Variants in MED24 observed in about 807,000 individuals in gnomAD.
The protein encoded by MED24 is mediator of RNA polymerase II transcription subunit 24.
In MED24, 74 loss-of-function variants were observed where a neutral mutation model predicts 118.8. The observed-to-expected ratio is 0.62, with a 90% confidence interval of 0.52 to 0.76. The LOEUF is 0.76. MED24 is among the 30% of genes least tolerant of loss of function. The probability of loss-of-function intolerance (pLI) is 0.00; values close to 1 mark genes in which losing one functional copy is unlikely to be tolerated. For missense variants in MED24, 1,041 were observed against 1,278.9 expected, an observed-to-expected ratio of 0.81 and a Z score of 2.84; for synonymous variants, 521 against 523.9, an observed-to-expected ratio of 0.99 and a Z score of 0.08.
chr17:40,024,099 T>A (rs34453912), intron 19 of MED24, among the ~76,000 whole-genome samples: 46,198 of 151,628 alleles, frequency 0.3, 8,367 homozygotes, highest in Middle Eastern at 0.49. Context: ...GAGCAAAAGC[T>A]CCCTACTTGG....
intron 19 of MED24, chr17:40,023,735 A>C: frequency 4.0e-6 from 1 of 248,024 alleles, no homozygotes; most frequent in East Asian, 1.0e-4. Flanking sequence ...CACATAAATA[A>C]ACACAATCAC....
rs1190525909 is a variant in MED24, at chr17:40,026,346, A to G, written c.1810-15T>C. On this transcript the variant is annotated splice_polypyrimidine_tract_variant and intron_variant, in intron 18 of 25. Transcript: ENST00000394128. ...TCAGTGATTTTCTAGGGGAGACGGA[A>G]AGGTGATGGGCTACCATCTATCTCC... The G allele has an allele frequency of 1.9e-6, 3 of 1,610,328 alleles. No individual in the cohort carries two copies. The highest frequency in any genetic ancestry group is 2.5e-6 in the Non-Finnish European group (3 of 1,177,148).
intron 11 of MED24, 129 bp from the exon 12 acceptor site, chr17:40,031,374 T>C (rs966149027): frequency 8.2e-7 from 1 of 1,218,888 alleles, no homozygotes; most frequent in Non-Finnish European, 1.2e-6. Context: ...TGAGGGACGG[T>C]AGAGGGGCTC....
intron 23 of MED24, among the ~76,000 whole-genome samples, chr17:40,021,609 G>A (rs942861067): frequency 6.6e-6 from 1 of 152,248 alleles, no homozygotes; most frequent in Non-Finnish European, 1.5e-5. Flanking sequence ...CAGAGCTGGT[G>A]AGTCAATGGC....
intron 1 of MED24, 106 bp from the exon 2 acceptor site, chr17:40,053,741 G>A (rs756892938): frequency 2.8e-6 from 4 of 1,409,814 alleles, no homozygotes; most frequent in Admixed American, 3.9e-5. Flanking sequence ...AGATTTAAGC[G>A]AGACAGAGGA....
In MED24 at chr17:40,026,457, TCCA is replaced by T. The variant is rs1982660593; in HGVS notation, c.1810-129_1810-127del. The stretch of plus-strand genomic sequence containing the variant: ...TCCCGGGCCACATTCCACACCTCTC[TCCA>T]CAAGTTTGATCTTCCCAGAGCTACC... On this transcript the variant is annotated intron_variant, in intron 18 of 25. Coordinates refer to ENST00000394128, the MANE Select transcript of MED24 (RefSeq NM_014815.4). 3 of 1,285,726 alleles carry T rather than the reference TCCA, an allele frequency of 2.3e-6. No individual in the cohort carries two copies. The East Asian group carries it at 7.3e-5, about 31-fold the overall frequency. The allele number at this position is 1,285,726 out of a possible 1,614,324, so 79.6% of individuals were successfully genotyped here.
chr17:40,039,747 T>C (rs1984340470), intron 3 of MED24, among the ~76,000 whole-genome samples: 1 of 151,202 alleles, frequency 6.6e-6, no homozygotes, highest in Non-Finnish European at 1.5e-5. Flanking sequence ...GCCTCCTAAG[T>C]AGCTGGGACT....
intron 3 of MED24, among the ~76,000 whole-genome samples, chr17:40,049,098 T>C (rs1459050398): frequency 6.6e-6 from 1 of 151,696 alleles, no homozygotes; most frequent in Admixed American, 6.6e-5. Context: ...TCCCAGCCTT[T>C]AGGAGGACAA....
chr17:40,020,512 G>T, intron 23 of MED24, 159 bp from the exon 24 acceptor site: 1 of 1,504,468 alleles, frequency 6.6e-7, no homozygotes, highest in Non-Finnish European at 9.0e-7. Flanking sequence ...GGGAGGCCAG[G>T]TACAGTGGCT....
At chr17:40,019,751 G>A in intron 25 of MED24, 34 bp downstream of exon 25, 2 of 1,607,886 alleles carry the variant, frequency 1.2e-6, no homozygotes, top group Non-Finnish European at 8.5e-7. Context: ...CGAGGCCCCA[G>A]CACCAGCAGG....
At position 40,021,999 on chromosome 17, in the gene MED24, A is replaced by G; in HGVS notation, c.2579T>C (p.Leu860Pro). 1 of 1,612,054 alleles carries G rather than the reference A, an allele frequency of 6.2e-7. No individual in the cohort carries two copies. Among genetic ancestry groups the G allele is most frequent in the Non-Finnish European group, 8.5e-7 (1 of 1,179,040 alleles). Residue 860 changes from leucine (L) to proline (P), a missense_variant, in exon 23 of 26, where the codon CTG (leucine) becomes CCG (proline). Around this residue, in one of 3 missense-constraint regions of MED24, gnomAD observed 587 missense variants for 694.4 expected, o/e 0.85. Coordinates refer to ENST00000394128, the MANE Select transcript of MED24 (RefSeq NM_014815.4). ...GGCATCGTCCTCATTAGAGCTCAGC[A>G]GTCGCATCAACTTCGAAGGCTGCAC... ...DDVQPSKLMR[L>P]LSSNEDDANI...
In MED24 at chr17:40,035,249, G is replaced by T. The variant is rs776181925; in HGVS notation, c.427C>A (p.Arg143=). The T allele has an allele frequency of 1.9e-6, 3 of 1,613,738 alleles. No homozygotes were observed. The highest frequency in any genetic ancestry group is 1.3e-5 in the African/African-American group (1 of 75,046). Residue 143 remains arginine, a synonymous_variant, in exon 6 of 26, where the codon CGG becomes AGG. Transcript: ENST00000394128. ...GGAGTGCCGGCCTCCAGCCCCTCCC[G>T]CAGCCGCTCTGCAGAGGCTGCCGTG... The part of the protein sequence containing the change: ...RCTAASAERL[R]EGLEAGTPAA...
At chr17:40,043,745 G>T (rs1984804414) in intron 3 of MED24, among the ~76,000 whole-genome samples, 1 of 151,894 alleles carries the variant, frequency 6.6e-6, no homozygotes, top group South Asian at 2.1e-4. Flanking sequence ...CAAAAAATTA[G>T]CCAGGCGCAG....
At position 40,033,338 on chromosome 17, in the gene MED24, C is replaced by T; in HGVS notation, c.671+7G>A. On this transcript the variant is annotated splice_region_variant and intron_variant, in intron 7 of 25. Coordinates refer to ENST00000394128, the MANE Select transcript of MED24 (RefSeq NM_014815.4). The surrounding 1 kb of genome is among the most constrained non-coding windows in gnomAD (Gnocchi z 5.2). The stretch of plus-strand genomic sequence containing the variant: ...CCCTTCTCCACCATCCCCCAGGGAG[C>T]CGGTACCTCCTAATGAGGGTGCCAC... 3 of 1,612,724 alleles carry T rather than the reference C, an allele frequency of 1.9e-6. No individual in the cohort carries two copies. The highest frequency in any genetic ancestry group is 2.5e-6 in the Non-Finnish European group (3 of 1,179,432).
At chr17:40,035,852 C>A in intron 4 of MED24, 57 bp from the exon 5 acceptor site, 1 of 1,524,648 alleles carries the variant, frequency 6.6e-7, no homozygotes, top group South Asian at 1.1e-5. Flanking sequence ...CCAGGTCTCA[C>A]ATGAGGCAGA....
In MED24 at chr17:40,035,133, G is replaced by A; in HGVS notation, c.543C>T (p.Ala181=). 2.5e-6 allele frequency: 4 copies of A among 1,614,160 alleles called. No homozygotes were observed. The highest frequency in any genetic ancestry group is 3.4e-6 in the Non-Finnish European group (4 of 1,180,020). Reference sequence around the variant, plus strand: ...GGGACATACAGGCCTCCTCTAGTTTGGCGATGTGCAGCAGGGCCCGGTTCT... The same window carrying A: ...GGGACATACAGGCCTCCTCTAGTTTAGCGATGTGCAGCAGGGCCCGGTTCT... ...STKNRALLHI[A]KLEEASSWTA... Residue 181 remains alanine (A), a synonymous_variant, in exon 6 of 26, where the codon GCC becomes GCT. Coordinates refer to ENST00000394128, the MANE Select transcript of MED24 (RefSeq NM_014815.4).
Position 40,035,306 on chromosome 17 carries a change from G to T in MED24, c.370C>A (p.Leu124Ile). Residue 124 changes from leucine (L) to isoleucine (I), a missense_variant, in exon 6 of 26, where the codon CTT becomes ATT. Transcript: ENST00000394128. The part of the protein sequence containing the change: ...AEECIGLCRA[L>I]LSALHWLLRC... ...AGCAGCCAGTGGAGGGCGCTAAGAAGGGCTCGGCACAGTCCGATGCATTCC... is the reference window on the plus strand; with the variant it reads ...AGCAGCCAGTGGAGGGCGCTAAGAATGGCTCGGCACAGTCCGATGCATTCC... 1.9e-6 allele frequency: 3 copies of T among 1,611,226 alleles called. No homozygotes were observed. The highest frequency in any genetic ancestry group is 2.5e-6 in the Non-Finnish European group (3 of 1,177,768).
At chr17:40,046,376 C>A (rs1257216442) in intron 3 of MED24, among the ~76,000 whole-genome samples, 1 of 148,858 alleles carries the variant, frequency 6.7e-6, no homozygotes, top group African/African-American at 2.5e-5. Context: ...TGATCCACTG[C>A]GCCCAGCCTA....
Position 40,026,267 on chromosome 17 carries a change from A to C in MED24, c.1874T>G (p.Val625Gly), listed in dbSNP as rs1169898592. ...SLAVCAVAWL[V>G]AHVRMLGLDE... ...CAGCCCCAGCATCCGGACGTGGGCC[A>C]CAAGCCAAGCCACAGCACACACCGC... The change falls in exon 19 of 26, where the codon GTG becomes GGG. Residue 625 changes from valine (V) to glycine (G), a missense_variant. Transcript: ENST00000394128. The C allele has an allele frequency of 6.2e-7, 1 of 1,614,176 alleles. No individual in the cohort carries two copies. Among genetic ancestry groups the C allele is most frequent in the Admixed American group, 1.7e-5 (1 of 60,028 alleles).
Sources: gnomAD v4.1 joint callset for allele counts (sites outside exome capture counted in the v4.1 genomes callset) on GRCh38, gnomAD v4.1.1 for gene constraint, gnomAD v4.1.1 regional missense constraint, Gnocchi (gnomAD v3.1) non-coding constraint, MANE v1.5 for transcripts, NCBI Gene and HGNC (gene_info 2026-07-23, HGNC 2026-07-21) for gene names.